DPF1: variants seen among roughly 807,000 people sequenced by gnomAD.
The protein encoded by DPF1 is double PHD fingers 1, also known as zinc finger protein neuro-d4.
DPF1 carries 14 observed loss-of-function variants against 58.7 expected under a neutral mutation model. The observed-to-expected ratio is 0.24, with a 90% CI of 0.16 to 0.37. The LOEUF (loss-of-function observed/expected upper bound fraction) is 0.37, where lower values mean the gene tolerates loss of function less well. Among genes scored for constraint, DPF1 ranks in the 10% least tolerant of loss-of-function variants. The pLI is 1.00. For synonymous variants in DPF1, 216 were observed against 216.0 expected, an observed-to-expected ratio of 1.00 and a Z score of 0.00; for missense variants, 345 against 529.9, an observed-to-expected ratio of 0.65 and a Z score of 3.43.
intron 10 of DPF1, among the ~76,000 whole-genome samples, chr19:38,212,774 CTT>C (rs11367248): frequency 0.013 from 1,044 of 81,588 alleles, 3 homozygotes; most frequent in Non-Finnish European, 0.017. Context: ...CCATGCACGA[CTT>C]TTTTTTTTTT....
In DPF1 at chr19:38,217,962, G is replaced by A. The variant is rs766351758; in HGVS notation, c.517-86C>T. 2.4e-4 allele frequency: 338 copies of A among 1,381,660 alleles called. 2 individuals are homozygous for A. Among genetic ancestry groups the A allele is most frequent in the Admixed American group, 8.6e-4 (49 of 56,806 alleles). The allele number at this position is 1,381,660 out of a possible 1,614,324, so 85.6% of individuals were successfully genotyped here. A position where few individuals can be genotyped will look rare whatever the true frequency, so the allele number is the denominator to read the frequency against. ...CTCACACCTGTAATCCCAGCACTTT[G>A]GGAGGCCGAGGCAGGCGGATCACGA... On this transcript the variant is annotated intron_variant, in intron 5 of 11. Transcript: ENST00000355526.
In DPF1 at chr19:38,222,497, G is replaced by T; in HGVS notation, c.191-33C>A. The T allele has an allele frequency of 1.3e-6, 2 of 1,582,786 alleles. No homozygotes were observed. The highest frequency in any genetic ancestry group is 8.5e-7 in the Non-Finnish European group (1 of 1,169,860). ...GAGAGGGGGGTGAGAGGGCGGCGGC[G>T]GTGGGGCGGCCTGGCCCCGCCCCGC... On this transcript the variant is annotated intron_variant, in intron 2 of 11. Transcript: ENST00000355526. This position sits in a 1 kb window ranked among gnomAD's most constrained non-coding sequence, Gnocchi z 4.9.
upstream of DPF1, among the ~76,000 whole-genome samples, chr19:38,227,085 CT>C (rs558891218): frequency 5.6e-4 from 69 of 123,326 alleles, no homozygotes; most frequent in East Asian, 1.6e-3. Flanking sequence ...CTCTTTTTCT[CT>C]TTTTTTTTTT....
chr19:38,224,374 G>C, upstream of DPF1: 1 of 1,047,980 alleles, frequency 9.5e-7, no homozygotes, highest in East Asian at 3.3e-5. This position sits in a 1 kb window ranked among gnomAD's most constrained non-coding sequence, Gnocchi z 4.5. Context: ...GGGGCCCGGG[G>C]CACGCACCGT....
upstream of DPF1, among the ~76,000 whole-genome samples, chr19:38,226,290 C>T (rs554777183): frequency 5.2e-5 from 7 of 135,378 alleles, no homozygotes; most frequent in Non-Finnish European, 1.1e-4. Flanking sequence ...CACCCCTTCT[C>T]CCCCTTTCCC....
Position 38,212,044 on chromosome 19 carries a change from CGCGGCGAGCCGAGCCG to C in DPF1, c.*3_*18del. The C allele has an allele frequency of 6.2e-7, 1 of 1,601,562 alleles. No individual in the cohort carries two copies. Among genetic ancestry groups the C allele is most frequent in the East Asian group, 2.3e-5 (1 of 44,316 alleles). ...AGGTAGGCGAGCACCACCCCAGAGT[CGCGGCGAGCCGAGCCG>C]GCCTAGGTGAGGGTGATGTAAGCAG... is the stretch of plus-strand genomic sequence containing the variant. On this transcript the variant is annotated 3_prime_UTR_variant, in exon 12 of 12. Coordinates refer to ENST00000355526, the MANE Select transcript of DPF1 (RefSeq NM_001135155.3).
rs1297010979 is a variant in DPF1, at chr19:38,211,851, A to AGAGG, written c.*208_*211dup. 30 of 574,560 alleles carry AGAGG rather than the reference A, an allele frequency of 5.2e-5. No homozygotes were observed. The highest frequency in any genetic ancestry group is 5.1e-4 in the East Asian group (17 of 33,212). 35.6% of individuals were successfully genotyped at this position (574,560 alleles called of 1,614,324 possible). On this transcript the variant is annotated 3_prime_UTR_variant, in exon 12 of 12. Transcript: ENST00000355526. The surrounding 1 kb of genome is among the most constrained non-coding windows in gnomAD (Gnocchi z 4.0). ...CTGGTGTCCATTTGCCAAGGGACAG[A>AGAGG]GAGGGAGGGAGGGAGGGAGAGGCCC...
chr19:38,221,726 G>T (rs1190375519), intron 3 of DPF1, among the ~76,000 whole-genome samples: 1 of 152,046 alleles, frequency 6.6e-6, no homozygotes, highest in Admixed American at 6.6e-5. Context: ...GAGACAGGAG[G>T]ATCCCTTGAG....
At position 38,224,189 on chromosome 19, in the gene DPF1, C is replaced by T. The variant is rs762386619; in HGVS notation, c.-47G>A. On this transcript the variant is annotated 5_prime_UTR_variant, in exon 1 of 12. Transcript: ENST00000355526. This position sits in a 1 kb window ranked among gnomAD's most constrained non-coding sequence, Gnocchi z 4.5. ...CCAGCAGGTCCCCGCCGGGTCGGTC[C>T]TCCCAGCGGTCGGGCGGGCGCTGAG... The T allele has an allele frequency of 2.8e-6, 4 of 1,410,800 alleles. No homozygotes were observed. The highest frequency in any genetic ancestry group is 1.7e-5 in the South Asian group (1 of 59,770). The allele number at this position is 1,410,800 out of a possible 1,614,324, so 87.4% of individuals were successfully genotyped here. A position where few individuals can be genotyped will look rare whatever the true frequency, so the allele number is the denominator to read the frequency against.
rs751342769 is a variant in DPF1, at chr19:38,219,022, G to A, written c.335C>T (p.Pro112Leu). 3.5e-5 allele frequency: 56 copies of A among 1,614,008 alleles called. No individual in the cohort carries two copies. The highest frequency in any genetic ancestry group is 4.2e-5 in the Non-Finnish European group (49 of 1,180,034). ...TAGAGCCTCGAGGACCGGCCCTTCC[G>A]GGAGGCCACCCTCCTTCTTCAGGGG... ...EAPLKKEGGL[P>L]EGPVLEALLC... Residue 112 changes from proline to leucine, a missense_variant, in exon 4 of 12, where the codon CCG (proline) becomes CTG (leucine). Coordinates refer to ENST00000355526, the MANE Select transcript of DPF1 (RefSeq NM_001135155.3).
chr19:38,213,086 C>G (rs1973580111), intron 10 of DPF1, among the ~76,000 whole-genome samples: 2 of 151,694 alleles, frequency 1.3e-5, no homozygotes, highest in East Asian at 3.9e-4. Context: ...CTCCTGGGCT[C>G]AAGCCATTCT....
upstream of DPF1, among the ~76,000 whole-genome samples, chr19:38,227,311 C>T (rs1467901665): frequency 1.3e-5 from 2 of 152,102 alleles, no homozygotes; most frequent in Non-Finnish European, 2.9e-5. Flanking sequence ...CTCCTAAGCT[C>T]AAGTGATCTG....
At chr19:38,214,387 C>T (rs1463814145) in intron 9 of DPF1, among the ~76,000 whole-genome samples, 1 of 152,228 alleles carries the variant, frequency 6.6e-6, no homozygotes, top group Non-Finnish European at 1.5e-5. Context: ...GCAACCACGG[C>T]CCCGGTGCCA....
At chr19:38,227,712 G>A (rs2146232747), upstream of DPF1, among the ~76,000 whole-genome samples, 1 of 152,334 alleles carries the variant, frequency 6.6e-6, no homozygotes, top group South Asian at 2.1e-4. Flanking sequence ...GCTGTTAGAA[G>A]CCCCCATACA....
intron 7 of DPF1, 65 bp downstream of exon 7, chr19:38,217,395 C>CCCCCCGGG: frequency 8.7e-7 from 1 of 1,150,382 alleles, no homozygotes; most frequent in Non-Finnish European, 1.2e-6. Flanking sequence ...ACCCCCACCC[C>CCCCCCGGG]CAGCTGGGCT....
intron 7 of DPF1, among the ~76,000 whole-genome samples, chr19:38,217,015 G>A (rs1967069414): frequency 6.6e-6 from 1 of 152,204 alleles, no homozygotes; most frequent in African/African-American, 2.4e-5. Flanking sequence ...TGAGAGATAG[G>A]TGGGAAGACA....
At position 38,224,075 on chromosome 19, in the gene DPF1, GC is replaced by G. The variant is rs1967696025; in HGVS notation, c.29+38del. 6.7e-7 allele frequency: 1 copy of G among 1,488,852 alleles called. No homozygotes were observed. The highest frequency in any genetic ancestry group is 8.8e-7 in the Non-Finnish European group (1 of 1,131,764). 92.2% of individuals were successfully genotyped at this position (1,488,852 alleles called of 1,614,324 possible). A position where few individuals can be genotyped will look rare whatever the true frequency, so the allele number is the denominator to read the frequency against. ...CACACACACAGGCCCGCGTAGACCC[GC>G]CCGCGCTTCCTCTCCGCCTCCCGCC... On this transcript the variant is annotated intron_variant, in intron 1 of 11. Transcript: ENST00000355526. This position sits in a 1 kb window ranked among gnomAD's most constrained non-coding sequence, Gnocchi z 4.5.
intron 10 of DPF1, among the ~76,000 whole-genome samples, chr19:38,212,836 G>A (rs1322417499): frequency 6.9e-6 from 1 of 144,158 alleles, no homozygotes; most frequent in African/African-American, 2.6e-5. Flanking sequence ...GGCTGGTCTG[G>A]TCTAGAACTC....
intron 9 of DPF1, among the ~76,000 whole-genome samples, chr19:38,215,679 C>T (rs936824464): frequency 1.3e-5 from 2 of 152,176 alleles, no homozygotes; most frequent in Admixed American, 6.5e-5. Flanking sequence ...AGGGAGCCTC[C>T]GGCCTCAGCC....
Sources: gnomAD v4.1 joint callset for allele counts (sites outside exome capture counted in the v4.1 genomes callset) on GRCh38, gnomAD v4.1.1 for gene constraint, Gnocchi (gnomAD v3.1) non-coding constraint, MANE v1.5 for transcripts, NCBI Gene and HGNC (gene_info 2026-07-23, HGNC 2026-07-21) for gene names.